The following OTUD7A variants were observed in gnomAD, a reference collection of about 807,000 sequenced individuals.
The protein encoded by OTUD7A is OTU deubiquitinase 7A, also known as OTU domain-containing protein 7A.
Under a neutral mutation model 65.7 loss-of-function variants are expected in OTUD7A, and 12 were observed. That is an observed-to-expected ratio of 0.18 (90% CI 0.12 to 0.30). The LOEUF (loss-of-function observed/expected upper bound fraction) is 0.30, where lower values mean the gene tolerates loss of function less well. OTUD7A is among the 10% of genes least tolerant of loss of function. OTUD7A has a pLI of 1.00. For missense variants in OTUD7A, 1,148 were observed against 1,304.8 expected (o/e 0.88, Z 1.85); for synonymous variants, 641 against 586.3 (o/e 1.09, Z -1.35).
At chr15:31,537,885 G>C (rs546439472) in intron 5 of OTUD7A, among the ~76,000 whole-genome samples, 1 of 152,322 alleles carries the variant, frequency 6.6e-6, no homozygotes, top group East Asian at 1.9e-4. Flanking sequence ...ATGCTAATGA[G>C]GCAGGTGGTC....
At chr15:31,617,557 C>G (rs1245226192) in intron 3 of OTUD7A, among the ~76,000 whole-genome samples, 1 of 151,878 alleles carries the variant, frequency 6.6e-6, no homozygotes, top group Non-Finnish European at 1.5e-5. Context: ...TGTCTATGTG[C>G]AAAAGAAGGC....
Position 31,832,204 on chromosome 15 carries a change from C to T in OTUD7A, c.-100+38303G>A, listed in dbSNP as rs1203678515. Among the ~76,000 whole-genome samples, 6 of 152,314 alleles carry T rather than the reference C, an allele frequency of 3.9e-5. No homozygotes were observed. The East Asian group carries it at 1.2e-3, about 29-fold the overall frequency. ...GGTATCTCAGGCATCCTGCCTCCTC[C>T]GCTGGGGCTCTCTTGGCCAAACCTA... On this transcript the variant is annotated intron_variant, in intron 1 of 12. Transcript: ENST00000307050.
chr15:31,592,949 G>A (rs1379588848), intron 3 of OTUD7A, among the ~76,000 whole-genome samples: 106 of 87,102 alleles, frequency 1.2e-3, no homozygotes, highest in African/African-American at 2.5e-3. Flanking sequence ...ATATATACAC[G>A]TGTATATATA....
intron 1 of OTUD7A, among the ~76,000 whole-genome samples, chr15:31,793,866 C>A (rs1895882775): frequency 6.6e-6 from 1 of 152,220 alleles, no homozygotes; most frequent in African/African-American, 2.4e-5. Context: ...GTTCCTTGTA[C>A]ATCATGCCTT....
At chr15:31,831,688 C>T (rs374084158) in intron 1 of OTUD7A, among the ~76,000 whole-genome samples, 40 of 152,350 alleles carry the variant, frequency 2.6e-4, no homozygotes, top group African/African-American at 8.4e-4. Flanking sequence ...TGTACAAGAA[C>T]GTTCACAGTA....
intron 1 of OTUD7A, among the ~76,000 whole-genome samples, chr15:31,812,130 C>T (rs1389010619): frequency 6.6e-6 from 1 of 152,180 alleles, no homozygotes; most frequent in Non-Finnish European, 1.5e-5. Flanking sequence ...AAGTGGACCC[C>T]GGCTTCTGAC....
At chr15:31,815,166 C>T (rs777016658) in intron 1 of OTUD7A, among the ~76,000 whole-genome samples, 12 of 152,168 alleles carry the variant, frequency 7.9e-5, no homozygotes, top group Non-Finnish European at 1.3e-4. Flanking sequence ...TGCAATTGCA[C>T]AAATCTATGC....
chr15:31,857,592 C>G (rs550792576), intron 1 of OTUD7A, among the ~76,000 whole-genome samples: 1 of 152,028 alleles, frequency 6.6e-6, no homozygotes, highest in South Asian at 2.1e-4. Context: ...ACAGGGCAGT[C>G]AGCGCAGCCT....
At chr15:31,673,845 A>AC (rs945456635) in intron 1 of OTUD7A, among the ~76,000 whole-genome samples, 3 of 152,154 alleles carry the variant, frequency 2.0e-5, no homozygotes, top group African/African-American at 7.2e-5. Flanking sequence ...TTGAGCTGTC[A>AC]CCCCAACCTA....
Position 31,651,100 on chromosome 15 carries a change from GGCCGA to G in OTUD7A, c.151+3991_151+3995del, listed in dbSNP as rs1285339698. ...TAGAGACCTTAGGTAATAACAAAAG[GGCCGA>G]GCTTCCTATCATCTGAGTCCCAGAA... On this transcript the variant is annotated intron_variant, in intron 3 of 12. Transcript: ENST00000307050. Among the ~76,000 whole-genome samples the G allele has an allele frequency of 9.1e-5, 12 of 132,054 alleles. 1 individual carries two copies. In the South Asian group the frequency reaches 2.6e-3, roughly 28 times the overall value. The allele number at this position is 132,054 out of a possible 152,430, so 86.6% of individuals were successfully genotyped here.
At chr15:31,640,916 T>A (rs1266549402) in intron 3 of OTUD7A, among the ~76,000 whole-genome samples, 1 of 152,170 alleles carries the variant, frequency 6.6e-6, no homozygotes, top group Non-Finnish European at 1.5e-5. Flanking sequence ...TTATTAATGA[T>A]AGTCTTCATG....
chr15:31,550,958 C>A (rs1385410794), intron 5 of OTUD7A, among the ~76,000 whole-genome samples: 1 of 152,162 alleles, frequency 6.6e-6, no homozygotes, highest in Admixed American at 6.5e-5. Context: ...GCTCCTGTAA[C>A]CTGTGCAGAT....
In OTUD7A at chr15:31,833,904, C is replaced by T. The variant is rs1896993391; in HGVS notation, c.-100+36603G>A. 2.6e-5 allele frequency among the ~76,000 whole-genome samples: 4 copies of T among 152,352 alleles called. No homozygotes were observed. The South Asian group carries it at 8.3e-4, about 32-fold the overall frequency. On this transcript the variant is annotated intron_variant, in intron 1 of 12. Coordinates refer to ENST00000307050, the MANE Select transcript of OTUD7A (RefSeq NM_001382637.1). ...GCCATAGAGAAGATGGCCCTGGAGG[C>T]CCCGCTCTGCTTTTTGGGGGGTCCT...
chr15:31,779,467 G>C (rs1895478483), intron 1 of OTUD7A, among the ~76,000 whole-genome samples: 1 of 152,162 alleles, frequency 6.6e-6, no homozygotes, highest in South Asian at 2.1e-4. Context: ...GTGTAATGGA[G>C]CAAATTATTT....
At chr15:31,681,343 G>A (rs923903837) in intron 1 of OTUD7A, among the ~76,000 whole-genome samples, 1 of 151,552 alleles carries the variant, frequency 6.6e-6, no homozygotes. Context: ...ACCCACCTAT[G>A]CATGTTTCTG....
At chr15:31,738,567 A>G (rs1894254206) in intron 1 of OTUD7A, among the ~76,000 whole-genome samples, 1 of 152,048 alleles carries the variant, frequency 6.6e-6, no homozygotes, top group Non-Finnish European at 1.5e-5. Flanking sequence ...ACCCAGGAGG[A>G]TTATCTGCCA....
intron 3 of OTUD7A, among the ~76,000 whole-genome samples, chr15:31,645,137 C>A (rs1447715611): frequency 6.6e-6 from 1 of 152,254 alleles, no homozygotes; most frequent in Non-Finnish European, 1.5e-5. Flanking sequence ...TGGAGTCAGG[C>A]AAGCTTCCTC....
intron 4 of OTUD7A, among the ~76,000 whole-genome samples, chr15:31,569,008 T>C (rs140774764): frequency 1.3e-5 from 2 of 152,344 alleles, no homozygotes; most frequent in African/African-American, 4.8e-5. Context: ...ACCTTAGGTA[T>C]TTCTTTACAG....
intron 8 of OTUD7A, among the ~76,000 whole-genome samples, chr15:31,526,140 C>T (rs1462027387): frequency 6.6e-6 from 1 of 152,242 alleles, no homozygotes; most frequent in East Asian, 1.9e-4. Context: ...GCTGCATACC[C>T]TTCCACTAGC....
Sources: allele counts gnomAD v4.1 joint callset (sites outside exome capture counted in the v4.1 genomes callset), GRCh38; gene constraint gnomAD v4.1.1; transcripts MANE v1.5; gene names NCBI Gene and HGNC (gene_info 2026-07-23, HGNC 2026-07-21).